The following YBX3 variants were observed in gnomAD, a reference collection of about 807,000 sequenced individuals.
The protein encoded by YBX3 is Y-box binding protein 3.
Under a neutral mutation model 42.4 loss-of-function variants are expected in YBX3, and 29 were observed. The observed-to-expected ratio is 0.68, with a 90% CI of 0.51 to 0.93. The LOEUF is 0.93. YBX3 is among the 40% of genes least tolerant of loss of function. The probability of loss-of-function intolerance (pLI) is 0.00; values close to 1 mark genes in which losing one functional copy is unlikely to be tolerated. For synonymous variants in YBX3, 195 were observed against 189.8 expected, an observed-to-expected ratio of 1.03 and a Z score of -0.22; for missense variants, 517 against 527.5, an observed-to-expected ratio of 0.98 and a Z score of 0.19.
chr12:10,703,842 A>C (rs1948107675), intron 7 of YBX3: 1 of 514,410 alleles, frequency 1.9e-6, no homozygotes, highest in African/African-American at 1.9e-5. Context: ...CCAGAATACA[A>C]AATGACGCTT....
chr12:10,710,175 A>T, intron 5 of YBX3, 61 bp from the exon 6 acceptor site: 2 of 1,567,390 alleles, frequency 1.3e-6, no homozygotes, highest in Non-Finnish European at 1.7e-6. Flanking sequence ...ACCAAAGAAC[A>T]CCATTTAGGA....
chr12:10,710,731 G>C (rs2120940175), intron 5 of YBX3: 1 of 482,072 alleles, frequency 2.1e-6, no homozygotes. Context: ...TCAGCAGACT[G>C]AATGCAGAAA....
intron 6 of YBX3, among the ~76,000 whole-genome samples, chr12:10,705,967 C>A (rs556325101): frequency 2.4e-4 from 37 of 152,188 alleles, no homozygotes; most frequent in African/African-American, 8.7e-4. Flanking sequence ...AGCCATTTCT[C>A]CAAAGGGAAT....
chr12:10,708,781 A>G (rs1175430624), intron 6 of YBX3, among the ~76,000 whole-genome samples: 1 of 152,256 alleles, frequency 6.6e-6, no homozygotes. Context: ...CCTAAGGTGA[A>G]ATACATTTTA....
In YBX3 at chr12:10,718,386, T is replaced by A. The variant is rs1948287298; in HGVS notation, c.327-265A>T. On this transcript the variant is annotated intron_variant, in intron 2 of 9. Coordinates refer to ENST00000228251, the MANE Select transcript of YBX3 (RefSeq NM_003651.5). ...CAGAAACATCCCGTTCCTCTGTCTCTTTCTGAATCACATGGTGTGTAATCA... is the reference window on the plus strand; with the variant it reads ...CAGAAACATCCCGTTCCTCTGTCTCATTCTGAATCACATGGTGTGTAATCA... 6 of 386,066 alleles carry A rather than the reference T, an allele frequency of 1.6e-5. No homozygotes were observed. In the Admixed American group the frequency reaches 2.5e-4, roughly 16 times the overall value. 23.9% of individuals were successfully genotyped at this position (386,066 alleles called of 1,614,324 possible).
intron 2 of YBX3, 78 bp from the exon 3 acceptor site, chr12:10,718,199 T>C: frequency 1.5e-6 from 2 of 1,327,024 alleles, no homozygotes; most frequent in South Asian, 1.3e-5. Context: ...TGTTATGAAT[T>C]TAACTCCCAA....
chr12:10,710,356 C>A (rs1948186615), intron 5 of YBX3: 1 of 1,412,430 alleles, frequency 7.1e-7, no homozygotes, highest in Non-Finnish European at 9.2e-7. Flanking sequence ...AGCAATCAAT[C>A]TACAATCAAT....
chr12:10,701,522 ATC>A (rs1162478096), intron 8 of YBX3, among the ~76,000 whole-genome samples, 169 bp from the exon 9 acceptor site: 1 of 152,200 alleles, frequency 6.6e-6, no homozygotes, highest in Non-Finnish European at 1.5e-5. Flanking sequence ...AGTCCCTGGC[ATC>A]TCTACCAAAA....
rs923749355 is a variant in YBX3 at position 10,702,359 on chromosome 12, A to G, written c.879-225T>C. ...AACATGGTGAAACTCCATCTCTACT[A>G]AAAATACAAAAATTAGCCGGGCGTG... On this transcript the variant is annotated intron_variant, in intron 7 of 9. Transcript: ENST00000228251. 9 of 278,146 alleles carry G rather than the reference A, an allele frequency of 3.2e-5. No homozygotes were observed. In the Admixed American group the frequency reaches 4.2e-4, roughly 13 times the overall value. The allele number at this position is 278,146 out of a possible 1,614,324, so 17.2% of individuals were successfully genotyped here.
At chr12:10,701,651 T>C (rs1310608296) in intron 8 of YBX3, among the ~76,000 whole-genome samples, 1 of 152,178 alleles carries the variant, frequency 6.6e-6, no homozygotes, top group Non-Finnish European at 1.5e-5. Flanking sequence ...AAGTCTGATA[T>C]ACAACTGCTT....
intron 4 of YBX3, 90 bp downstream of exon 4, chr12:10,715,604 C>A: frequency 2.5e-6 from 3 of 1,215,676 alleles, no homozygotes; most frequent in East Asian, 4.7e-5. Context: ...ATTCCAAAGT[C>A]ATGTCAATTC....
Position 10,723,159 on chromosome 12 carries a change from C to A in YBX3, c.-48G>T. ...CTCAGGCGCCTCGGTGGCGGTTGGT[C>A]GGCGGTTAGCGCGGCTGGTGGTCGC... On this transcript the variant is annotated 5_prime_UTR_variant, in exon 1 of 10. Transcript: ENST00000228251. The A allele has an allele frequency of 1.7e-6, 2 of 1,188,052 alleles. No homozygotes were observed. Among genetic ancestry groups the A allele is most frequent in the Non-Finnish European group, 2.1e-6 (2 of 959,926 alleles). 73.6% of individuals were successfully genotyped at this position (1,188,052 alleles called of 1,614,324 possible). A position where few individuals can be genotyped will look rare whatever the true frequency, so the allele number is the denominator to read the frequency against.
intron 3 of YBX3, among the ~76,000 whole-genome samples, chr12:10,717,126 T>C (rs1948271856): frequency 6.6e-6 from 1 of 152,198 alleles, no homozygotes; most frequent in African/African-American, 2.4e-5. Context: ...GCAACTGAGA[T>C]ATATCCAGTC....
chr12:10,713,154 T>G lies in YBX3; in HGVS notation c.573+57A>C, dbSNP rs1196796727. 23 of 1,567,128 alleles carry G rather than the reference T, an allele frequency of 1.5e-5. No homozygotes were observed. The South Asian group carries it at 2.6e-4, about 18-fold the overall frequency. On this transcript the variant is annotated intron_variant, in intron 5 of 9. Coordinates refer to ENST00000228251, the MANE Select transcript of YBX3 (RefSeq NM_003651.5). ...ATTTATCTGCTCCAAGTACATACAC[T>G]TAATTCCATGCATGAACAATTTCTC... is the stretch of plus-strand genomic sequence containing the variant.
chr12:10,702,605 GA>G lies in YBX3; in HGVS notation c.879-472del, dbSNP rs565820443. On this transcript the variant is annotated intron_variant, in intron 7 of 9. Coordinates refer to ENST00000228251, the MANE Select transcript of YBX3 (RefSeq NM_003651.5). ...GCAACAAATGGAATAGAGGTTTCAC[GA>G]AAAAAAAATCTTAATTTTCCATCAT... The G allele has an allele frequency of 2.5e-4, 38 of 150,476 alleles. No individual in the cohort carries two copies. The Middle Eastern group carries it at 0.014, about 56-fold the overall frequency. 9.3% of individuals were successfully genotyped at this position (150,476 alleles called of 1,614,324 possible). A position where few individuals can be genotyped will look rare whatever the true frequency, so the allele number is the denominator to read the frequency against.
At chr12:10,721,593 A>C (rs942752616) in intron 1 of YBX3, among the ~76,000 whole-genome samples, 1 of 152,222 alleles carries the variant, frequency 6.6e-6, no homozygotes, top group African/African-American at 2.4e-5. Flanking sequence ...TACACAGGTT[A>C]CAATTAGCAT....
In YBX3 at chr12:10,713,289, C is replaced by T. The variant is rs201926646; in HGVS notation, c.495G>A (p.Val165=). 2.2e-5 allele frequency: 35 copies of T among 1,614,068 alleles called. No homozygotes were observed. The African/African-American group carries it at 3.7e-4, about 17-fold the overall frequency. The stretch of plus-strand genomic sequence containing the variant: ...GATCTGCAGCGTAACGACTCCCTTC[C>T]ACAGGAACTCCATCCGGGCCAGTCA... ...ANVTGPDGVP[V]EGSRYAADRR... The change falls in exon 5 of 10, where the codon GTG becomes GTA. Residue 165 remains valine, a synonymous_variant. Transcript: ENST00000228251.
chr12:10,699,981 T>A (rs111662932), intron 9 of YBX3, among the ~76,000 whole-genome samples: 3 of 152,156 alleles, frequency 2.0e-5, no homozygotes, highest in African/African-American at 7.2e-5. Flanking sequence ...TATGAATATA[T>A]CACAATTAGC....
intron 1 of YBX3, 39 bp from the exon 2 acceptor site, chr12:10,719,182 A>C: frequency 6.5e-7 from 1 of 1,534,918 alleles, no homozygotes; most frequent in Non-Finnish European, 9.0e-7. Flanking sequence ...TATCTGACCT[A>C]CAGAGAGATA....
Sources: gnomAD v4.1 joint callset for allele counts (sites outside exome capture counted in the v4.1 genomes callset) on GRCh38, gnomAD v4.1.1 for gene constraint, MANE v1.5 for transcripts, NCBI Gene and HGNC (gene_info 2026-07-23, HGNC 2026-07-21) for gene names.